The following CCSER1 variants were observed in gnomAD, a reference collection of about 807,000 sequenced individuals.
CCSER1 encodes the protein serine-rich coiled-coil domain-containing protein 1.
A neutral mutation model predicts 82.0 loss-of-function variants in CCSER1; 41 were observed. The observed-to-expected ratio is 0.50, with a 90% confidence interval of 0.39 to 0.65. CCSER1 has a LOEUF of 0.65. Ranked by LOEUF, CCSER1 falls within the 30% of genes least tolerant of loss-of-function variation. CCSER1 has a pLI of 0.00. For synonymous variants in CCSER1, 414 were observed against 383.9 expected (o/e 1.08, Z -0.92); for missense variants, 1,119 against 1,064.2 (o/e 1.05, Z -0.72).
intron 7 of CCSER1, among the ~76,000 whole-genome samples, chr4:90,809,205 A>G (rs1757920972): frequency 6.6e-6 from 1 of 151,348 alleles, no homozygotes; most frequent in Non-Finnish European, 1.5e-5. Flanking sequence ...CTGTAGTCCT[A>G]GCTACTCAAG....
At chr4:90,588,118 G>T (rs893355686) in intron 5 of CCSER1, among the ~76,000 whole-genome samples, 9 of 152,174 alleles carry the variant, frequency 5.9e-5, no homozygotes, top group Non-Finnish European at 1.0e-4. Context: ...TCTCGATGTT[G>T]CTGGCCACTG....
At chr4:90,628,365 A>G (rs1436464270) in intron 6 of CCSER1, 133 bp downstream of exon 6, 4 of 650,070 alleles carry the variant, frequency 6.2e-6, no homozygotes, top group Non-Finnish European at 1.1e-5. Context: ...CTTGGAGCTT[A>G]GCTATTTTCA....
chr4:91,157,204 A>G (rs1730902315), intron 10 of CCSER1, among the ~76,000 whole-genome samples: 1 of 152,028 alleles, frequency 6.6e-6, no homozygotes, highest in Admixed American at 6.6e-5. Context: ...GTCTTTCAGC[A>G]GCCAAAACTT....
intron 9 of CCSER1, among the ~76,000 whole-genome samples, chr4:90,963,051 T>A (rs1561423893): frequency 6.6e-6 from 1 of 152,166 alleles, no homozygotes; most frequent in Non-Finnish European, 1.5e-5. Context: ...CATATTGGAT[T>A]TCAATACATT....
intron 3 of CCSER1, among the ~76,000 whole-genome samples, chr4:90,360,505 G>A (rs1230666602): frequency 6.8e-6 from 1 of 147,850 alleles, no homozygotes; most frequent in African/African-American, 2.5e-5. Context: ...GAACCCGGGA[G>A]GCAGAGCTTG....
At chr4:90,599,988 C>G (rs1431416994) in intron 5 of CCSER1, among the ~76,000 whole-genome samples, 1 of 152,154 alleles carries the variant, frequency 6.6e-6, no homozygotes, top group East Asian at 1.9e-4. Context: ...TGTTGTCTGG[C>G]ACTTTTCACT....
intron 10 of CCSER1, among the ~76,000 whole-genome samples, chr4:91,354,716 A>G (rs1460350488): frequency 6.6e-6 from 1 of 152,194 alleles, no homozygotes; most frequent in African/African-American, 2.4e-5. Flanking sequence ...ATTCATCAGG[A>G]ACTGGATCTG....
intron 9 of CCSER1, among the ~76,000 whole-genome samples, chr4:90,995,468 T>C (rs1044504359): frequency 3.3e-5 from 5 of 152,252 alleles, no homozygotes; most frequent in Admixed American, 3.3e-4. Flanking sequence ...TACATCTTCC[T>C]GTAGAGATTC....
chr4:91,134,346 T>G (rs1309363629), intron 10 of CCSER1, among the ~76,000 whole-genome samples: 2 of 151,584 alleles, frequency 1.3e-5, no homozygotes, highest in Non-Finnish European at 2.9e-5. Context: ...CAGTGAGCTT[T>G]GATCATGCCA....
intron 10 of CCSER1, among the ~76,000 whole-genome samples, chr4:91,467,856 G>T (rs1273571628): frequency 6.6e-6 from 1 of 152,202 alleles, no homozygotes; most frequent in South Asian, 2.1e-4. Flanking sequence ...GAAACAATAG[G>T]TGCTGGAGAG....
chr4:90,263,502 T>A (rs2153449744), intron 1 of CCSER1, among the ~76,000 whole-genome samples: 1 of 152,260 alleles, frequency 6.6e-6, no homozygotes, highest in South Asian at 2.1e-4. Flanking sequence ...AGTGAACTTG[T>A]CATGTGGACA....
At chr4:91,438,141 C>T (rs1293927559) in intron 10 of CCSER1, among the ~76,000 whole-genome samples, 1 of 152,218 alleles carries the variant, frequency 6.6e-6, no homozygotes, top group African/African-American at 2.4e-5. Context: ...GTTCTCCCAG[C>T]ACACAGCCGG....
intron 1 of CCSER1, among the ~76,000 whole-genome samples, chr4:90,155,763 TTTC>T (rs1175085295): frequency 6.6e-6 from 1 of 152,062 alleles, no homozygotes; most frequent in Non-Finnish European, 1.5e-5. Context: ...TCTTCTCTTT[TTTC>T]TTCTTTATTA....
intron 7 of CCSER1, among the ~76,000 whole-genome samples, chr4:90,736,173 T>C (rs1354269585): frequency 2.0e-5 from 3 of 152,142 alleles, no homozygotes; most frequent in Non-Finnish European, 4.4e-5. Flanking sequence ...ATAATGTGTA[T>C]TCTGAAGCCT....
chr4:91,569,328 T>A (rs1763050465), intron 10 of CCSER1, among the ~76,000 whole-genome samples: 1 of 152,102 alleles, frequency 6.6e-6, no homozygotes, highest in South Asian at 2.1e-4. Context: ...CCTGGGGCAA[T>A]CTCAGTGTTT....
chr4:90,380,083 G>C (rs189884674), intron 3 of CCSER1, among the ~76,000 whole-genome samples: 124 of 152,242 alleles, frequency 8.1e-4, no homozygotes, highest in Non-Finnish European at 1.6e-3. Context: ...CCTCCTATCA[G>C]ACCCTACCTC....
intron 7 of CCSER1, among the ~76,000 whole-genome samples, chr4:90,788,410 A>C (rs1271933488): frequency 6.6e-6 from 1 of 152,162 alleles, no homozygotes; most frequent in Admixed American, 6.5e-5. Flanking sequence ...TAGAGGCTAG[A>C]ATTCTGAGAT....
intron 4 of CCSER1, among the ~76,000 whole-genome samples, chr4:90,431,055 T>G (rs1758210713): frequency 6.6e-6 from 1 of 152,006 alleles, no homozygotes; most frequent in South Asian, 2.1e-4. Context: ...GTTAAGGTGA[T>G]TGAAAGATTC....
At chr4:90,209,958 G>A (rs1231001076) in intron 1 of CCSER1, among the ~76,000 whole-genome samples, 2 of 151,774 alleles carry the variant, frequency 1.3e-5, no homozygotes, top group African/African-American at 4.8e-5. Flanking sequence ...TAATCAGGCA[G>A]TTTTGTCTGT....
Sources: allele counts gnomAD v4.1 joint callset (sites outside exome capture counted in the v4.1 genomes callset), GRCh38; gene constraint gnomAD v4.1.1; transcripts MANE v1.5; gene names NCBI Gene and HGNC (gene_info 2026-07-23, HGNC 2026-07-21).